SAXO1: variants seen among roughly 807,000 people sequenced by gnomAD.
SAXO1 encodes 4930500O09Rik.
Under a neutral mutation model 17.5 loss-of-function variants are expected in SAXO1, and 21 were observed. That is an observed-to-expected ratio of 1.20 (90% CI 0.85 to 1.72). The LOEUF (loss-of-function observed/expected upper bound fraction) is 1.72, where lower values mean the gene tolerates loss of function less well. Among genes scored for constraint, SAXO1 ranks in the 40% most tolerant of loss-of-function variants. The pLI is 0.00. For synonymous variants in SAXO1, 274 were observed against 216.5 expected (o/e 1.27, Z -2.33); for missense variants, 843 against 596.0 (o/e 1.41, Z -4.32).
chr9:18,975,464 T>C (rs777014063), intron 1 of SAXO1, among the ~76,000 whole-genome samples: 2 of 152,174 alleles, frequency 1.3e-5, no homozygotes, highest in Non-Finnish European at 2.9e-5. Context: ...GCCCTGCCAA[T>C]TGGCACCTGA....
chr9:18,974,787 A>C (rs4419893), intron 1 of SAXO1, among the ~76,000 whole-genome samples: 112,089 of 152,058 alleles, frequency 0.74, 41,710 homozygotes, highest in Non-Finnish European at 0.8. Flanking sequence ...AATGATGAAA[A>C]TAAGCCATCA....
At chr9:18,931,731 G>T (rs1466489306) in intron 3 of SAXO1, among the ~76,000 whole-genome samples, 1 of 152,152 alleles carries the variant, frequency 6.6e-6, no homozygotes, top group Non-Finnish European at 1.5e-5. Flanking sequence ...TGGGTATTTA[G>T]TAGTATCTTG....
intron 1 of SAXO1, among the ~76,000 whole-genome samples, chr9:19,038,458 G>T (rs1446276356): frequency 6.6e-6 from 1 of 151,754 alleles, no homozygotes; most frequent in East Asian, 1.9e-4. Flanking sequence ...TCCTTTGTAG[G>T]GACATGGATG....
At position 18,937,734 on chromosome 9, in the gene SAXO1, GC is replaced by G. The variant is rs1831361725; in HGVS notation, c.421+3902del. ...CACCACATGAGGACACAGCAACAAG[GC>G]ACCATCTTGGAAGCAGAGAGCAGAC... On this transcript the variant is annotated intron_variant, in intron 3 of 3. Coordinates refer to ENST00000380534, the MANE Select transcript of SAXO1 (RefSeq NM_153707.4). Among the ~76,000 whole-genome samples the G allele has an allele frequency of 2.0e-5, 3 of 152,056 alleles. No homozygotes were observed. In the South Asian group the frequency reaches 6.2e-4, roughly 32 times the overall value.
At chr9:18,965,985 T>C (rs1441826912) in intron 1 of SAXO1, among the ~76,000 whole-genome samples, 3 of 152,248 alleles carry the variant, frequency 2.0e-5, no homozygotes, top group Non-Finnish European at 4.4e-5. Context: ...AAGGATTTTA[T>C]TTCTCCCTCA....
intron 1 of SAXO1, among the ~76,000 whole-genome samples, chr9:19,022,824 A>G (rs1322306105): frequency 6.6e-6 from 1 of 152,226 alleles, no homozygotes; most frequent in Non-Finnish European, 1.5e-5. Flanking sequence ...AGAAACAACC[A>G]GAGAAACTTC....
At chr9:19,027,645 C>A in intron 1 of SAXO1, 1 of 1,396,664 alleles carries the variant, frequency 7.2e-7, no homozygotes, top group Non-Finnish European at 1.0e-6. Context: ...GTCCGGGATG[C>A]CTTCGCCCTG....
chr9:18,952,926 T>A (rs1482263481), intron 1 of SAXO1, among the ~76,000 whole-genome samples: 1 of 152,246 alleles, frequency 6.6e-6, no homozygotes, highest in African/African-American at 2.4e-5. Context: ...CTTTAAAGTA[T>A]CTTCTGCACA....
chr9:18,987,257 G>C (rs1204218859), intron 1 of SAXO1, among the ~76,000 whole-genome samples: 2 of 152,148 alleles, frequency 1.3e-5, no homozygotes, highest in Non-Finnish European at 2.9e-5. Flanking sequence ...CCTTCACCCA[G>C]GGAGAGCCGC....
chr9:19,037,256 C>T (rs146866796), upstream of SAXO1, among the ~76,000 whole-genome samples: 32 of 152,224 alleles, frequency 2.1e-4, no homozygotes, highest in East Asian at 5.4e-3. Context: ...TGTGGACTTT[C>T]GGGTTAATGC....
At chr9:19,008,512 A>G (rs1305902756) in intron 1 of SAXO1, among the ~76,000 whole-genome samples, 1 of 152,184 alleles carries the variant, frequency 6.6e-6, no homozygotes, top group Non-Finnish European at 1.5e-5. Flanking sequence ...CCATGGTAAG[A>G]AATTGAGGGT....
Position 18,983,795 on chromosome 9 carries a change from G to A in SAXO1, c.39-32858C>T, listed in dbSNP as rs566329461. Among the ~76,000 whole-genome samples, 15 of 152,198 alleles carry A rather than the reference G, an allele frequency of 9.9e-5. No homozygotes were observed. The South Asian group carries it at 1.9e-3, about 19-fold the overall frequency. ...GTTGATATTTTCACCCCACTCCCAC[G>A]AATCACTAACTTTCTTAATGGCGTC... is the stretch of plus-strand genomic sequence containing the variant. On this transcript the variant is annotated intron_variant, in intron 1 of 3. Transcript: ENST00000380534.
chr9:18,947,465 C>T (rs920479140), intron 2 of SAXO1, among the ~76,000 whole-genome samples: 12 of 152,308 alleles, frequency 7.9e-5, no homozygotes, highest in Middle Eastern at 6.8e-3. Flanking sequence ...AATTCTATCT[C>T]CTCACTCTGT....
intron 1 of SAXO1, among the ~76,000 whole-genome samples, chr9:19,041,187 C>T (rs1338613517): frequency 6.7e-6 from 1 of 149,172 alleles, no homozygotes; most frequent in Admixed American, 6.7e-5. Context: ...AAAGTAATCC[C>T]ATTTACAATA....
chr9:18,940,599 C>T (rs1314610637), intron 3 of SAXO1, among the ~76,000 whole-genome samples: 1 of 152,210 alleles, frequency 6.6e-6, no homozygotes, highest in Non-Finnish European at 1.5e-5. Flanking sequence ...TCTCTATTCA[C>T]AGCATTTAGA....
chr9:18,977,719 C>T (rs1833205324), intron 1 of SAXO1, among the ~76,000 whole-genome samples: 3 of 152,028 alleles, frequency 2.0e-5, no homozygotes, highest in East Asian at 1.9e-4. Context: ...AACTGCCAGG[C>T]GTGGTGGCTC....
chr9:18,961,122 T>C (rs1832465337), intron 1 of SAXO1, among the ~76,000 whole-genome samples: 1 of 152,164 alleles, frequency 6.6e-6, no homozygotes, highest in South Asian at 2.1e-4. Flanking sequence ...TGCTAAAGTA[T>C]TTAGAGGAAA....
At chr9:19,027,230 A>T in intron 1 of SAXO1, 1 of 1,149,852 alleles carries the variant, frequency 8.7e-7, no homozygotes, top group East Asian at 2.4e-5. Flanking sequence ...CCTCTACACG[A>T]CAGACATACT....
At chr9:18,938,058 G>A (rs1279700776) in intron 3 of SAXO1, among the ~76,000 whole-genome samples, 1 of 152,102 alleles carries the variant, frequency 6.6e-6, no homozygotes, top group African/African-American at 2.4e-5. Context: ...CATGTTCCAA[G>A]AACAAAAACC....
Sources: allele counts gnomAD v4.1 joint callset (sites outside exome capture counted in the v4.1 genomes callset), GRCh38; gene constraint gnomAD v4.1.1; transcripts MANE v1.5; gene names NCBI Gene and HGNC (gene_info 2026-07-23, HGNC 2026-07-21).